LARGE1: variants seen among roughly 807,000 people sequenced by gnomAD.
LARGE1 encodes the protein xylosyl- and glucuronyltransferase LARGE1.
In LARGE1, 43 loss-of-function variants were observed where a neutral mutation model predicts 87.6. The observed-to-expected ratio is 0.49, with a 90% CI of 0.38 to 0.63. LARGE1 has a LOEUF of 0.63. Ranked by LOEUF, LARGE1 falls within the 30% of genes least tolerant of loss-of-function variation. LARGE1 has a pLI of 0.00. For missense variants in LARGE1, 802 were observed against 1,000.2 expected, an observed-to-expected ratio of 0.80 and a Z score of 2.67; for synonymous variants, 434 against 394.6, an observed-to-expected ratio of 1.10 and a Z score of -1.18.
At chr22:33,316,495 C>T (rs1936177531) in intron 10 of LARGE1, among the ~76,000 whole-genome samples, 1 of 152,216 alleles carries the variant, frequency 6.6e-6, no homozygotes, top group Non-Finnish European at 1.5e-5. Context: ...AATGTCAGCA[C>T]TTTGGGAGGC....
intron 7 of LARGE1, among the ~76,000 whole-genome samples, chr22:33,389,158 G>GC (rs1456407400): frequency 6.6e-6 from 1 of 152,204 alleles, no homozygotes; most frequent in Non-Finnish European, 1.5e-5. Flanking sequence ...ACTGGGCTAC[G>GC]CAAGAACTAG....
At chr22:33,343,648 G>A (rs942828942) in intron 9 of LARGE1, among the ~76,000 whole-genome samples, 7 of 152,094 alleles carry the variant, frequency 4.6e-5, no homozygotes, top group African/African-American at 1.7e-4. Context: ...CAAAATTCAT[G>A]AATGTGATTG....
At chr22:33,565,841 G>A (rs746045067) in intron 5 of LARGE1, among the ~76,000 whole-genome samples, 3 of 152,160 alleles carry the variant, frequency 2.0e-5, no homozygotes, top group Non-Finnish European at 2.9e-5. Flanking sequence ...GTACACACAC[G>A]GGTGCCATTT....
intron 11 of LARGE1, among the ~76,000 whole-genome samples, chr22:33,225,057 T>G (rs1475339273): frequency 6.6e-6 from 1 of 152,242 alleles, no homozygotes; most frequent in Non-Finnish European, 1.5e-5. Context: ...TCCTCTGGCA[T>G]GGGCTGTCAG....
intron 6 of LARGE1, among the ~76,000 whole-genome samples, chr22:33,524,385 T>C (rs1276781160): frequency 6.6e-6 from 1 of 152,084 alleles, no homozygotes; most frequent in Non-Finnish European, 1.5e-5. Context: ...TATTATCACC[T>C]TTCTAATCTA....
At chr22:33,811,076 A>C (rs2086480402) in intron 1 of LARGE1, among the ~76,000 whole-genome samples, 1 of 152,154 alleles carries the variant, frequency 6.6e-6, no homozygotes, top group Non-Finnish European at 1.5e-5. Context: ...TGAGTGGAAG[A>C]TGGGTAAATT....
intron 6 of LARGE1, among the ~76,000 whole-genome samples, chr22:33,462,137 GGT>G (rs2148017961): frequency 6.6e-6 from 1 of 152,278 alleles, no homozygotes; most frequent in South Asian, 2.1e-4. Context: ...AAAATGACCA[GGT>G]GTATTTGAAA....
At chr22:33,519,542 C>T (rs2071472777) in intron 6 of LARGE1, among the ~76,000 whole-genome samples, 1 of 152,106 alleles carries the variant, frequency 6.6e-6, no homozygotes, top group South Asian at 2.1e-4. Flanking sequence ...CCCAGGTTCC[C>T]TCTCAGGCTC....
intron 6 of LARGE1, among the ~76,000 whole-genome samples, chr22:33,525,537 A>G (rs1394233520): frequency 6.6e-6 from 1 of 152,250 alleles, no homozygotes; most frequent in Non-Finnish European, 1.5e-5. Context: ...ATCAAGATGC[A>G]GGTCCCAGAT....
At chr22:33,366,116 C>A (rs534237872) in intron 9 of LARGE1, among the ~76,000 whole-genome samples, 4 of 152,254 alleles carry the variant, frequency 2.6e-5, no homozygotes, top group African/African-American at 9.6e-5. Flanking sequence ...GTTTCTAATC[C>A]GTCTGGAATT....
rs1162535035 is a variant in LARGE1, at chr22:33,608,506, G to A, written c.492-3948C>T. Reference sequence around the variant, plus strand: ...CATCCGCCATCTGTAGCAAGGCATTGTGATACGTATTTAAACTGCTGGCTC... The same window carrying A: ...CATCCGCCATCTGTAGCAAGGCATTATGATACGTATTTAAACTGCTGGCTC... On this transcript the variant is annotated intron_variant, in intron 4 of 14. Transcript: ENST00000397394. Among the ~76,000 whole-genome samples the A allele has an allele frequency of 2.0e-5, 3 of 152,198 alleles. No homozygotes were observed. The East Asian group carries it at 5.8e-4, about 29-fold the overall frequency.
At chr22:33,612,783 G>A (rs1602713655) in intron 4 of LARGE1, among the ~76,000 whole-genome samples, 1 of 152,222 alleles carries the variant, frequency 6.6e-6, no homozygotes, top group South Asian at 2.1e-4. Flanking sequence ...AAGGTTTGGA[G>A]GCTCAGCAGG....
chr22:33,498,436 A>C (rs1306389451), intron 6 of LARGE1, among the ~76,000 whole-genome samples: 2 of 152,218 alleles, frequency 1.3e-5, no homozygotes, highest in Admixed American at 1.3e-4. Context: ...CAGAACAGTC[A>C]TCAAGGAGGC....
At position 33,318,105 on chromosome 22, in the gene LARGE1, G is replaced by A. The variant is rs138768658; in HGVS notation, c.1288-1857C>T. Among the ~76,000 whole-genome samples, 1,440 of 151,962 alleles carry A rather than the reference G, an allele frequency of 9.5e-3. 21 individuals are homozygous for A. Among genetic ancestry groups the A allele is most frequent in the African/African-American group, 0.033 (1,353 of 41,430 alleles). ...CAAAAAATTAGCCGGACATGGTGGC[G>A]GGCATCTCTAATCCCAGCTACTCGG... On this transcript the variant is annotated intron_variant, in intron 10 of 14. Transcript: ENST00000397394.
chr22:33,195,956 C>CT (rs1924053949), intron 11 of LARGE1, among the ~76,000 whole-genome samples: 1 of 151,524 alleles, frequency 6.6e-6, no homozygotes, highest in Non-Finnish European at 1.5e-5. Context: ...GACGGAGTTT[C>CT]ACCGTGTTAG....
intron 1 of LARGE1, among the ~76,000 whole-genome samples, chr22:33,904,674 G>T (rs2065387556): frequency 6.6e-6 from 1 of 152,146 alleles, no homozygotes; most frequent in Non-Finnish European, 1.5e-5. Flanking sequence ...CTGCCCTCGG[G>T]TCTTCAGTCA....
At chr22:33,814,451 G>A (rs2146201717) in intron 1 of LARGE1, among the ~76,000 whole-genome samples, 1 of 152,284 alleles carries the variant, frequency 6.6e-6, no homozygotes, top group Middle Eastern at 3.4e-3. Context: ...CACTGTCCAG[G>A]TGCTCTGGTA....
intron 2 of LARGE1, among the ~76,000 whole-genome samples, chr22:33,714,101 C>T (rs1303592827): frequency 2.0e-5 from 3 of 152,122 alleles, no homozygotes; most frequent in Non-Finnish European, 4.4e-5. Context: ...TCCATGCAGA[C>T]TGACTCCTGC....
chr22:33,882,188 G>A (rs2064715202), intron 1 of LARGE1, among the ~76,000 whole-genome samples: 1 of 151,962 alleles, frequency 6.6e-6, no homozygotes, highest in African/African-American at 2.4e-5. Context: ...CTGCCACCAT[G>A]CCTGGCTAAT....
Sources: allele counts gnomAD v4.1 joint callset (sites outside exome capture counted in the v4.1 genomes callset), GRCh38; gene constraint gnomAD v4.1.1; transcripts MANE v1.5; gene names NCBI Gene and HGNC (gene_info 2026-07-23, HGNC 2026-07-21).